Variants in ADAMTSL1 observed in about 807,000 individuals in gnomAD.
ADAMTSL1 encodes ADAMTS-like protein 1.
Under a neutral mutation model 201.8 loss-of-function variants are expected in ADAMTSL1, and 126 were observed. The ratio of observed to expected loss-of-function variants is 0.62; its 90% CI spans 0.54 to 0.72. The LOEUF (loss-of-function observed/expected upper bound fraction) is 0.72. Ranked by LOEUF, ADAMTSL1 falls within the 30% of genes least tolerant of loss-of-function variation. ADAMTSL1 has a pLI of 0.00. For synonymous variants in ADAMTSL1, 1,121 were observed against 903.4 expected (o/e 1.24, Z -4.32); for missense variants, 2,679 against 2,277.8 (o/e 1.18, Z -3.59).
intron 2 of ADAMTSL1, among the ~76,000 whole-genome samples, chr9:18,197,633 A>C (rs1829239941): frequency 6.7e-6 from 1 of 148,714 alleles, no homozygotes; most frequent in Admixed American, 6.8e-5. Flanking sequence ...AAACAGGGAC[A>C]ATTTGACTTC....
chr9:18,144,833 T>C (rs1384004745), intron 1 of ADAMTSL1, among the ~76,000 whole-genome samples: 1 of 152,160 alleles, frequency 6.6e-6, no homozygotes, highest in Non-Finnish European at 1.5e-5. Context: ...CCAAGATACC[T>C]GGCCGAGGAT....
chr9:18,138,561 ATT>A (rs892343071), intron 1 of ADAMTSL1, among the ~76,000 whole-genome samples: 3 of 152,182 alleles, frequency 2.0e-5, no homozygotes, highest in African/African-American at 7.2e-5. Context: ...AGTGCTGGGC[ATT>A]GTTTCTTCTG....
At position 18,622,238 on chromosome 9, in the gene ADAMTSL1, G is replaced by T. The variant is rs1162950826; in HGVS notation, c.475-5G>T. On this transcript the variant is annotated splice_region_variant and splice_polypyrimidine_tract_variant and intron_variant, in intron 4 of 28. Transcript: ENST00000380548. Reference sequence around the variant, plus strand: ...GTTGAATTACACATCTCTCTTTCTTGTTAGATTGTTGGCTGCGATCACCAG... The same window carrying T: ...GTTGAATTACACATCTCTCTTTCTTTTTAGATTGTTGGCTGCGATCACCAG... The T allele has an allele frequency of 6.2e-7, 1 of 1,613,468 alleles. No homozygotes were observed. Among genetic ancestry groups the T allele is most frequent in the East Asian group, 2.2e-5 (1 of 44,854 alleles).
chr9:18,077,746 TA>T (rs34125643), intron 1 of ADAMTSL1, among the ~76,000 whole-genome samples: 9 of 151,940 alleles, frequency 5.9e-5, no homozygotes, highest in African/African-American at 1.9e-4. Context: ...AGGAGGACTT[TA>T]AAAAAAATGC....
At chr9:18,433,224 G>A (rs753680152) in intron 2 of ADAMTSL1, among the ~76,000 whole-genome samples, 128 of 152,058 alleles carry the variant, frequency 8.4e-4, no homozygotes, top group Non-Finnish European at 1.6e-3. Context: ...TCACTCAAAA[G>A]TTGTGGAGAG....
chr9:18,738,684 C>A (rs926390544), intron 15 of ADAMTSL1, among the ~76,000 whole-genome samples: 2 of 152,144 alleles, frequency 1.3e-5, no homozygotes, highest in Non-Finnish European at 2.9e-5. Flanking sequence ...CTAGAAAATT[C>A]TCTGTGGCCT....
intron 2 of ADAMTSL1, among the ~76,000 whole-genome samples, chr9:18,185,582 A>G (rs1828697325): frequency 6.6e-6 from 1 of 152,214 alleles, no homozygotes; most frequent in Non-Finnish European, 1.5e-5. Context: ...AAACTATGAA[A>G]CAAAGACATT....
At chr9:17,989,092 A>C (rs906088378) in intron 1 of ADAMTSL1, among the ~76,000 whole-genome samples, 1 of 151,972 alleles carries the variant, frequency 6.6e-6, no homozygotes, top group African/African-American at 2.4e-5. Context: ...TATATAGAGG[A>C]AACTACTTTA....
chr9:18,326,211 A>G (rs982306856), intron 2 of ADAMTSL1, among the ~76,000 whole-genome samples: 19 of 152,226 alleles, frequency 1.2e-4, no homozygotes, highest in African/African-American at 4.6e-4. Context: ...AGCAGCTGTG[A>G]TGTACTATAA....
At position 17,948,197 on chromosome 9, in the gene ADAMTSL1, T is replaced by C. The variant is rs142879447; in HGVS notation, c.87+41275T>C. ...TACAAAGCATTACCAAAAAATAAAT[T>C]AATAGTCATAGCTTTCCGCCACAAT... On this transcript the variant is annotated intron_variant, in intron 1 of 29. Transcript: ENST00000680146. 5.3e-4 allele frequency among the ~76,000 whole-genome samples: 81 copies of C among 152,300 alleles called. 1 individual carries two copies. The East Asian group carries it at 0.012, about 23-fold the overall frequency.
intron 2 of ADAMTSL1, among the ~76,000 whole-genome samples, chr9:18,233,793 A>G (rs954336808): frequency 2.6e-5 from 4 of 152,184 alleles, no homozygotes; most frequent in African/African-American, 4.8e-5. Flanking sequence ...GCTTTCTTCT[A>G]CAGAAATGAC....
intron 9 of ADAMTSL1, among the ~76,000 whole-genome samples, chr9:18,666,721 C>T (rs2133061295): frequency 6.6e-6 from 1 of 152,180 alleles, no homozygotes. Context: ...CATCATGTGG[C>T]CAGAAAGCCT....
At chr9:18,811,815 C>T (rs751970733) in intron 20 of ADAMTSL1, among the ~76,000 whole-genome samples, 1 of 152,124 alleles carries the variant, frequency 6.6e-6, no homozygotes, top group African/African-American at 2.4e-5. Flanking sequence ...AGAAATACAA[C>T]TTGTCCCTAT....
In ADAMTSL1 at chr9:18,506,979, T is replaced by C. The variant is rs370385662; in HGVS notation, c.191+2023T>C. Among the ~76,000 whole-genome samples the C allele has an allele frequency of 1.8e-4, 27 of 152,360 alleles. No homozygotes were observed. The East Asian group carries it at 3.7e-3, about 21-fold the overall frequency. On this transcript the variant is annotated intron_variant, in intron 2 of 28. Coordinates refer to ENST00000380548, the MANE Select transcript of ADAMTSL1 (RefSeq NM_001040272.6). ...ATACATTATCCACATGGATATGTTC[T>C]ATACTTTTAAATTCTAGTCATTCTT... is the stretch of plus-strand genomic sequence containing the variant.
chr9:18,343,625 T>A (rs1161985501), intron 2 of ADAMTSL1, among the ~76,000 whole-genome samples: 2 of 152,180 alleles, frequency 1.3e-5, no homozygotes, highest in Non-Finnish European at 2.9e-5. Context: ...CTCTCATGTC[T>A]ATGCCACAAG....
intron 2 of ADAMTSL1, among the ~76,000 whole-genome samples, chr9:18,406,687 T>G (rs1026122881): frequency 6.6e-6 from 1 of 152,188 alleles, no homozygotes; most frequent in Non-Finnish European, 1.5e-5. Flanking sequence ...CTGTTTCTAT[T>G]AATTAGTAAT....
At chr9:18,838,024 G>A (rs1825427162) in intron 23 of ADAMTSL1, among the ~76,000 whole-genome samples, 1 of 152,074 alleles carries the variant, frequency 6.6e-6, no homozygotes, top group Non-Finnish European at 1.5e-5. Flanking sequence ...CTGTTTTCAT[G>A]CTGCTGTTTT....
chr9:18,803,252 G>T (rs1822912149), intron 20 of ADAMTSL1, among the ~76,000 whole-genome samples: 1 of 152,144 alleles, frequency 6.6e-6, no homozygotes, highest in African/African-American at 2.4e-5. Flanking sequence ...GTGAAACTTA[G>T]GTCTATGGTC....
chr9:18,429,409 G>A (rs533320576), intron 2 of ADAMTSL1, among the ~76,000 whole-genome samples: 1 of 152,266 alleles, frequency 6.6e-6, no homozygotes, highest in African/African-American at 2.4e-5. Flanking sequence ...GTCTCTGTTT[G>A]GGTATTGGGA....
Sources: gnomAD v4.1 joint callset for allele counts (sites outside exome capture counted in the v4.1 genomes callset) on GRCh38, gnomAD v4.1.1 for gene constraint, MANE v1.5 for transcripts, NCBI Gene and HGNC (gene_info 2026-07-23, HGNC 2026-07-21) for gene names.